PKIB: variants seen among roughly 807,000 people sequenced by gnomAD.
PKIB encodes the protein PKI-beta.
In PKIB, 2 loss-of-function variants were observed where a neutral mutation model predicts 4.5. That is an observed-to-expected ratio of 0.44 (90% CI 0.18 to 1.39). The LOEUF (loss-of-function observed/expected upper bound fraction) is 1.39, where lower values mean the gene tolerates loss of function less well. Among genes scored for constraint, PKIB ranks in the 40% most tolerant of loss-of-function variants. The pLI, the probability that PKIB is intolerant of heterozygous loss-of-function variation, is 0.27. For missense variants in PKIB, 94 were observed against 92.6 expected (o/e 1.02, Z -0.06); for synonymous variants, 38 against 36.0 (o/e 1.06, Z -0.20).
intron 2 of PKIB, among the ~76,000 whole-genome samples, chr6:122,584,113 G>A (rs1304827672): frequency 6.6e-6 from 1 of 152,076 alleles, no homozygotes; most frequent in African/African-American, 2.4e-5. Context: ...CTATTTAAAG[G>A]TTGACAGTGT....
intron 1 of PKIB, among the ~76,000 whole-genome samples, chr6:122,477,526 T>C (rs994487860): frequency 6.6e-5 from 10 of 152,230 alleles, no homozygotes; most frequent in African/African-American, 2.2e-4. Context: ...GATTTGACTT[T>C]ATTTTCCAGT....
chr6:122,562,004 G>GTTTTTTTTTTTTTTTTTGTTTTTTTTTTT (rs758656278), intron 2 of PKIB, among the ~76,000 whole-genome samples: 1 of 79,480 alleles, frequency 1.3e-5, no homozygotes, highest in African/African-American at 5.1e-5. Flanking sequence ...GTTTTTTTTT[G>GTTTTTTTTTTTTTTTTTGTTTTTTTTTTT]TTTTTTTTTT....
intron 2 of PKIB, among the ~76,000 whole-genome samples, chr6:122,648,542 T>C (rs1342930652): frequency 6.6e-6 from 1 of 152,204 alleles, no homozygotes; most frequent in Non-Finnish European, 1.5e-5. Flanking sequence ...CATGGTAAGA[T>C]CAGTGAATTA....
chr6:122,628,032 G>A (rs569362682), intron 1 of PKIB, among the ~76,000 whole-genome samples: 4 of 150,034 alleles, frequency 2.7e-5, no homozygotes, highest in African/African-American at 7.3e-5. Flanking sequence ...TATATCGAGT[G>A]TATCCAGTTC....
At chr6:122,515,840 C>T (rs931771522) in intron 2 of PKIB, among the ~76,000 whole-genome samples, 6 of 152,006 alleles carry the variant, frequency 3.9e-5, no homozygotes, top group Admixed American at 6.6e-5. Flanking sequence ...CTTAGCCTCC[C>T]GGGTAGCTGG....
At chr6:122,620,592 A>G (rs1486766461) in intron 1 of PKIB, among the ~76,000 whole-genome samples, 1 of 152,138 alleles carries the variant, frequency 6.6e-6, no homozygotes, top group African/African-American at 2.4e-5. Flanking sequence ...AGTTCCACAC[A>G]AGGCATGAAA....
upstream of PKIB, among the ~76,000 whole-genome samples, chr6:122,607,202 T>C (rs1447407264): frequency 6.6e-6 from 1 of 151,966 alleles, no homozygotes; most frequent in East Asian, 1.9e-4. Flanking sequence ...GAGCAAGGCA[T>C]GTGGCTTATG....
intron 2 of PKIB, among the ~76,000 whole-genome samples, chr6:122,542,686 T>G (rs1430697600): frequency 1.3e-5 from 2 of 152,124 alleles, no homozygotes; most frequent in Non-Finnish European, 2.9e-5. Flanking sequence ...GAGGAGGCAG[T>G]CTGCCTTTTC....
At chr6:122,611,048 T>C (rs1228062093) in intron 1 of PKIB, among the ~76,000 whole-genome samples, 2 of 152,214 alleles carry the variant, frequency 1.3e-5, no homozygotes, top group African/African-American at 4.8e-5. Flanking sequence ...GTCCATTCTT[T>C]GGATAAAATA....
At chr6:122,488,336 T>C (rs1775830088) in intron 2 of PKIB, among the ~76,000 whole-genome samples, 1 of 152,194 alleles carries the variant, frequency 6.6e-6, no homozygotes, top group Admixed American at 6.5e-5. Context: ...CTTGTTGCTC[T>C]ATTTGCTACG....
intron 2 of PKIB, among the ~76,000 whole-genome samples, chr6:122,640,608 A>G (rs1582766404): frequency 1.3e-5 from 2 of 152,108 alleles, no homozygotes; most frequent in South Asian, 4.1e-4. Context: ...ATCAATTCCT[A>G]TTTTTCAATC....
At chr6:122,491,821 C>T (rs997308542) in intron 2 of PKIB, among the ~76,000 whole-genome samples, 1 of 152,062 alleles carries the variant, frequency 6.6e-6, no homozygotes, top group African/African-American at 2.4e-5. Context: ...ATTTCTGTAC[C>T]TTGTTTTTAT....
chr6:122,635,562 A>G (rs75328955), intron 2 of PKIB, among the ~76,000 whole-genome samples: 1 of 151,170 alleles, frequency 6.6e-6, no homozygotes, highest in South Asian at 2.1e-4. Context: ...AAAAAAAAAA[A>G]CTAAAAAAAG....
At chr6:122,621,469 G>C (rs1362290611) in intron 1 of PKIB, among the ~76,000 whole-genome samples, 1 of 152,166 alleles carries the variant, frequency 6.6e-6, no homozygotes, top group Non-Finnish European at 1.5e-5. Context: ...ATAGGAGTAT[G>C]AATCAATTAC....
chr6:122,638,360 G>C (rs17084680), intron 2 of PKIB, among the ~76,000 whole-genome samples: 38,908 of 152,064 alleles, frequency 0.26, 5,477 homozygotes, highest in East Asian at 0.39. Context: ...ATAATTACTA[G>C]ACTCTGAGGA....
chr6:122,498,706 T>C (rs1282570134), intron 2 of PKIB, among the ~76,000 whole-genome samples: 1 of 151,776 alleles, frequency 6.6e-6, no homozygotes, highest in Non-Finnish European at 1.5e-5. Context: ...AGAAAAGAAA[T>C]AACTAAAATC....
chr6:122,719,051 T>G (rs1779619073), intron 4 of PKIB, among the ~76,000 whole-genome samples: 2 of 152,190 alleles, frequency 1.3e-5, no homozygotes, highest in Non-Finnish European at 2.9e-5. Context: ...TTTGGCCTTT[T>G]AAGTTTGAAA....
intron 1 of PKIB, among the ~76,000 whole-genome samples, chr6:122,630,819 G>A (rs570240852): frequency 6.6e-6 from 1 of 152,174 alleles, no homozygotes; most frequent in East Asian, 1.9e-4. Flanking sequence ...ATTACCCAGT[G>A]ATCTAAAACA....
In PKIB at chr6:122,726,248, A is replaced by G. The variant is rs1009134289; in HGVS notation, c.*1053A>G. 1.3e-5 allele frequency: 2 copies of G among 152,232 alleles called. No individual in the cohort carries two copies. Among genetic ancestry groups the G allele is most frequent in the Non-Finnish European group, 2.9e-5 (2 of 67,982 alleles). 9.4% of individuals were successfully genotyped at this position (152,232 alleles called of 1,614,324 possible). A position where few individuals can be genotyped will look rare whatever the true frequency, so the allele number is the denominator to read the frequency against. ...ATTCTGAAGTTTTAAAAATGTCAGT[A>G]ATTAATTTATTTTCATTTTCAGAAA... On this transcript the variant is annotated 3_prime_UTR_variant, in exon 5 of 5. Coordinates refer to ENST00000368452, the MANE Select transcript of PKIB (RefSeq NM_181795.3).
Sources: gnomAD v4.1 joint callset for allele counts (sites outside exome capture counted in the v4.1 genomes callset) on GRCh38, gnomAD v4.1.1 for gene constraint, MANE v1.5 for transcripts, NCBI Gene and HGNC (gene_info 2026-07-23, HGNC 2026-07-21) for gene names.